The following AP1G1 variants were observed in gnomAD, a reference collection of about 807,000 sequenced individuals.
AP1G1 encodes adaptor related protein complex 1 subunit gamma 1.
AP1G1 carries 7 observed loss-of-function variants against 108.3 expected under a neutral mutation model. That is an observed-to-expected ratio of 0.06 (90% CI 0.04 to 0.12). AP1G1 has a LOEUF of 0.12. AP1G1 is among the 10% of genes least tolerant of loss of function. AP1G1 has a pLI of 1.00. For missense variants in AP1G1, 756 were observed against 1,010.7 expected (o/e 0.75, Z 3.42); for synonymous variants, 379 against 353.5 (o/e 1.07, Z -0.81).
At chr16:71,769,793 G>A in intron 5 of AP1G1, 94 bp from the exon 6 acceptor site, 1 of 1,024,992 alleles carries the variant, frequency 9.8e-7, no homozygotes, top group South Asian at 1.3e-5. Context: ...ATTCCAAAAG[G>A]ATAGTTGCTA....
At chr16:71,754,485 T>G (rs1297272115) in intron 12 of AP1G1, among the ~76,000 whole-genome samples, 2 of 152,150 alleles carry the variant, frequency 1.3e-5, no homozygotes, top group African/African-American at 4.8e-5. Flanking sequence ...GCAAATGCCA[T>G]TTCAAAGAGT....
intron 19 of AP1G1, among the ~76,000 whole-genome samples, 193 bp from the exon 20 acceptor site, chr16:71,739,534 A>G (rs1173422125): frequency 1.3e-5 from 2 of 152,152 alleles, no homozygotes; most frequent in Non-Finnish European, 2.9e-5. Flanking sequence ...TTATTAAAAA[A>G]TACTGTAAGA....
chr16:71,750,047 T>G, intron 14 of AP1G1, 64 bp from the exon 15 acceptor site: 1 of 1,503,276 alleles, frequency 6.7e-7, no homozygotes, highest in South Asian at 1.1e-5. Flanking sequence ...TTAATGCAAA[T>G]CATAGGTCAT....
chr16:71,798,193 C>G (rs955255460), intron 1 of AP1G1, among the ~76,000 whole-genome samples: 4 of 149,722 alleles, frequency 2.7e-5, no homozygotes, highest in Admixed American at 2.0e-4. Flanking sequence ...CGCCAGTAAT[C>G]CCAACACTTT....
At position 71,773,265 on chromosome 16, in the gene AP1G1, C is replaced by A. The variant is rs369387158; in HGVS notation, c.424G>T (p.Val142Leu). ...SEMCRDLAGEVEKLLKTSNSY... is the reference protein window; with the variant it reads ...SEMCRDLAGELEKLLKTSNSY... ...TTGGAGGTTTTCAGGAGCTTCTCTA[C>A]CTCTCCTGCAAGATCTCTGCACATC... The change falls in exon 4 of 23, where the codon GTA (valine) becomes TTA (leucine). Residue 142 changes from valine to leucine, a missense_variant. This residue lies in a region of AP1G1 where 304 missense variants were observed against 483.6 expected (regional missense o/e 0.63). Transcript: ENST00000299980. 1 of 1,613,566 alleles carries A rather than the reference C, an allele frequency of 6.2e-7. No individual in the cohort carries two copies. The highest frequency in any genetic ancestry group is 1.3e-5 in the African/African-American group (1 of 74,978).
At chr16:71,755,911 T>C in intron 12 of AP1G1, 108 bp downstream of exon 12, 1 of 1,246,952 alleles carries the variant, frequency 8.0e-7, no homozygotes, top group Non-Finnish European at 1.1e-6. Context: ...CCCAAACTGC[T>C]GAGACTGCAG....
At chr16:71,790,607 CAA>C (rs1040957979) in intron 1 of AP1G1, among the ~76,000 whole-genome samples, 1 of 149,634 alleles carries the variant, frequency 6.7e-6, no homozygotes, top group Non-Finnish European at 1.5e-5. Context: ...TGATTTTTAA[CAA>C]AGAGGCCAAA....
rs570934696 is a variant in AP1G1, at chr16:71,734,760, C to T, written c.2269-53G>A. On this transcript the variant is annotated intron_variant, in intron 21 of 22. Transcript: ENST00000299980. ...GAAAAAGAATTACACAACGCTAGGT[C>T]AGAGATACCAAAAACCATTTAGACA... The T allele has an allele frequency of 5.0e-5, 73 of 1,446,266 alleles. 1 individual carries two copies. In the South Asian group the frequency reaches 7.9e-4, roughly 16 times the overall value. The allele number at this position is 1,446,266 out of a possible 1,614,324, so 89.6% of individuals were successfully genotyped here.
chr16:71,744,742 A>T (rs1279864643), intron 19 of AP1G1, among the ~76,000 whole-genome samples: 1 of 151,734 alleles, frequency 6.6e-6, no homozygotes, highest in Non-Finnish European at 1.5e-5. Context: ...CACCCGGCTA[A>T]TTGTTGTATT....
chr16:71,763,745 A>T (rs2145468479), intron 9 of AP1G1, among the ~76,000 whole-genome samples: 1 of 152,338 alleles, frequency 6.6e-6, no homozygotes, highest in East Asian at 1.9e-4. Context: ...CACAAATATT[A>T]TACTCTAGTA....
intron 21 of AP1G1, among the ~76,000 whole-genome samples, chr16:71,737,053 A>G (rs76479594): frequency 0.038 from 5,779 of 152,228 alleles, 344 homozygotes; most frequent in African/African-American, 0.13. Flanking sequence ...TATACTGAGC[A>G]CTGAACAGAT....
intron 19 of AP1G1, 60 bp downstream of exon 19, chr16:71,745,084 T>C (rs1022119917): frequency 1.7e-5 from 27 of 1,588,842 alleles, no homozygotes; most frequent in Non-Finnish European, 2.1e-5. Context: ...GGGTTCAGTT[T>C]AGTTTTTCCC....
intron 22 of AP1G1, 45 bp from the exon 23 acceptor site, chr16:71,733,204 T>A: frequency 7.0e-7 from 1 of 1,432,958 alleles, no homozygotes; most frequent in Non-Finnish European, 9.8e-7. Flanking sequence ...TGAAATGAAA[T>A]CTCCAGAATC....
At chr16:71,798,810 C>T (rs1002766696) in intron 1 of AP1G1, among the ~76,000 whole-genome samples, 5 of 151,758 alleles carry the variant, frequency 3.3e-5, no homozygotes, top group Non-Finnish European at 1.5e-5. Context: ...ATTGCTTGAA[C>T]CCAGGAGGCA....
chr16:71,756,799 G>A (rs372425086), intron 11 of AP1G1, among the ~76,000 whole-genome samples: 20 of 151,980 alleles, frequency 1.3e-4, no homozygotes, highest in Admixed American at 9.2e-4. Context: ...AAAATTAGCC[G>A]GGCATGGTGG....
rs778935122 is a variant in AP1G1 at position 71,789,390 on chromosome 16, T to C, written c.90A>G (p.Glu30=). 6.2e-7 allele frequency: 1 copy of C among 1,614,220 alleles called. No homozygotes were observed. Among genetic ancestry groups the C allele is most frequent in the African/African-American group, 1.3e-5 (1 of 75,058 alleles). Residue 30 remains glutamate (E), a synonymous_variant, in exon 2 of 23, where the codon GAA becomes GAG. Transcript: ENST00000299980. Reference sequence around the variant, plus strand: ...TAAAAGATGACCGGATTGCAGCACATTCTTTCTGGATCATTTCTCGTTCTT... The same window carrying C: ...TAAAAGATGACCGGATTGCAGCACACTCTTTCTGGATCATTTCTCGTTCTT... ...QAEEREMIQK[E]CAAIRSSFRE...
chr16:71,771,258 A>G lies in AP1G1; in HGVS notation c.469-6T>C. The G allele has an allele frequency of 6.9e-7, 1 of 1,452,924 alleles. No individual in the cohort carries two copies. The highest frequency in any genetic ancestry group is 9.2e-7 in the Non-Finnish European group (1 of 1,083,180). The allele number at this position is 1,452,924 out of a possible 1,614,324, so 90.0% of individuals were successfully genotyped here. On this transcript the variant is annotated splice_region_variant and splice_polypyrimidine_tract_variant and intron_variant, in intron 4 of 22. Coordinates refer to ENST00000299980, the MANE Select transcript of AP1G1 (RefSeq NM_001128.6). ...TGAACAGCACACAGTGCTGCCTATG[A>G]AAAAAAAAATAAAAGAACAAAAGGT...
chr16:71,806,572 G>T, intron 1 of AP1G1: 1 of 575,044 alleles, frequency 1.7e-6, no homozygotes, highest in Non-Finnish European at 2.6e-6. Flanking sequence ...ATATATTAAA[G>T]CATGAAAAAC....
intron 13 of AP1G1, among the ~76,000 whole-genome samples, chr16:71,751,631 A>G (rs897201345): frequency 6.6e-6 from 1 of 152,170 alleles, no homozygotes; most frequent in Middle Eastern, 3.2e-3. Context: ...TCCTTCCGTA[A>G]AGCAGAGTGC....
Sources: gnomAD v4.1 joint callset for allele counts (sites outside exome capture counted in the v4.1 genomes callset) on GRCh38, gnomAD v4.1.1 for gene constraint, gnomAD v4.1.1 regional missense constraint, MANE v1.5 for transcripts, NCBI Gene and HGNC (gene_info 2026-07-23, HGNC 2026-07-21) for gene names.